Variants in B3GAT2 observed in about 807,000 individuals in gnomAD.
B3GAT2 encodes the protein beta-1,3-glucuronyltransferase 2.
In B3GAT2, 26 loss-of-function variants were observed where a neutral mutation model predicts 27.8. The observed-to-expected ratio is 0.93, with a 90% CI of 0.68 to 1.30. The LOEUF is 1.30. B3GAT2 is among the 50% of genes most tolerant of loss of function. The pLI is 0.00. For missense variants in B3GAT2, 458 were observed against 459.0 expected, an observed-to-expected ratio of 1.00 and a Z score of 0.02; for synonymous variants, 218 against 195.1, an observed-to-expected ratio of 1.12 and a Z score of -0.98.
chr6:70,927,703 CT>C (rs1256503136), intron 1 of B3GAT2, among the ~76,000 whole-genome samples: 2 of 152,126 alleles, frequency 1.3e-5, no homozygotes, highest in Non-Finnish European at 2.9e-5. Flanking sequence ...TACAAAGAGA[CT>C]TAGACTCCCA....
chr6:70,943,527 A>G (rs1200717126), intron 1 of B3GAT2, among the ~76,000 whole-genome samples: 1 of 152,168 alleles, frequency 6.6e-6, no homozygotes, highest in East Asian at 1.9e-4. Context: ...TCTTCCGTTC[A>G]GTTCTGCCTG....
At chr6:70,869,303 G>A (rs1195702266) in intron 2 of B3GAT2, among the ~76,000 whole-genome samples, 5 of 152,022 alleles carry the variant, frequency 3.3e-5, no homozygotes, top group East Asian at 1.9e-4. Flanking sequence ...GGTGCATGTC[G>A]CTCCATCTGG....
At chr6:70,906,159 G>C (rs934929555) in intron 1 of B3GAT2, among the ~76,000 whole-genome samples, 1 of 152,228 alleles carries the variant, frequency 6.6e-6, no homozygotes, top group East Asian at 1.9e-4. Context: ...GAAAACCAAC[G>C]ATCTATCTCC....
intron 1 of B3GAT2, among the ~76,000 whole-genome samples, chr6:70,927,597 T>A (rs1013536835): frequency 6.6e-6 from 1 of 152,002 alleles, no homozygotes; most frequent in African/African-American, 2.4e-5. Flanking sequence ...AACATAATGG[T>A]AAAGGGATCA....
At chr6:70,952,841 A>G (rs549646856) in intron 1 of B3GAT2, among the ~76,000 whole-genome samples, 4 of 152,348 alleles carry the variant, frequency 2.6e-5, no homozygotes, top group Non-Finnish European at 1.5e-5. Context: ...GTTGAAAGGA[A>G]AGGCTGAAAA....
At position 70,890,075 on chromosome 6, in the gene B3GAT2, C is replaced by T. The variant is rs376270557; in HGVS notation, c.736+4053G>A. Among the ~76,000 whole-genome samples the T allele has an allele frequency of 1.2e-4, 18 of 152,216 alleles. No homozygotes were observed. The East Asian group carries it at 1.4e-3, about 11-fold the overall frequency. ...GAGATTATAGGTGTTAGCTACCATGCCCGTCCAGAAACCTAACTTTGCTCA... is the reference window on the plus strand; with the variant it reads ...GAGATTATAGGTGTTAGCTACCATGTCCGTCCAGAAACCTAACTTTGCTCA... On this transcript the variant is annotated intron_variant, in intron 2 of 3. Coordinates refer to ENST00000230053, the MANE Select transcript of B3GAT2 (RefSeq NM_080742.3).
At chr6:70,867,910 AT>A (rs1771876762) in intron 2 of B3GAT2, among the ~76,000 whole-genome samples, 1 of 152,166 alleles carries the variant, frequency 6.6e-6, no homozygotes, top group African/African-American at 2.4e-5. Flanking sequence ...AATTCTCAAA[AT>A]TTTAGCAAAT....
intron 1 of B3GAT2, among the ~76,000 whole-genome samples, chr6:70,904,698 T>C (rs1374990724): frequency 6.6e-6 from 1 of 152,134 alleles, no homozygotes; most frequent in African/African-American, 2.4e-5. Context: ...TCAGAAAGAA[T>C]GACATCGATG....
At chr6:70,945,319 C>G (rs1430185504) in intron 1 of B3GAT2, among the ~76,000 whole-genome samples, 3 of 152,064 alleles carry the variant, frequency 2.0e-5, no homozygotes, top group African/African-American at 7.2e-5. Context: ...AAGTTAAAAA[C>G]TTTGAAAAAA....
At chr6:70,862,120 C>G in intron 2 of B3GAT2, 142 bp from the exon 3 acceptor site, 1 of 715,912 alleles carries the variant, frequency 1.4e-6, no homozygotes, top group Non-Finnish European at 2.2e-6. Context: ...TGAATAGGAA[C>G]ATTACCTGTA....
chr6:70,923,924 A>AT (rs1007590544), intron 1 of B3GAT2, among the ~76,000 whole-genome samples: 1 of 152,122 alleles, frequency 6.6e-6, no homozygotes, highest in Non-Finnish European at 1.5e-5. Context: ...TCAGTCCTGG[A>AT]TTTTTTAGTT....
chr6:70,916,462 T>G (rs1248187035), intron 1 of B3GAT2, among the ~76,000 whole-genome samples: 2 of 152,250 alleles, frequency 1.3e-5, no homozygotes, highest in Non-Finnish European at 2.9e-5. Flanking sequence ...AGAGAGAGCA[T>G]CCTTGTCTTG....
chr6:70,930,459 T>C (rs941660827), intron 1 of B3GAT2, among the ~76,000 whole-genome samples: 10 of 152,198 alleles, frequency 6.6e-5, no homozygotes, highest in Non-Finnish European at 1.0e-4. Context: ...AAAGGGCTAA[T>C]ATCCAGAATC....
chr6:70,892,328 G>C (rs1772303439), intron 2 of B3GAT2, among the ~76,000 whole-genome samples: 1 of 152,058 alleles, frequency 6.6e-6, no homozygotes, highest in Admixed American at 6.6e-5. Context: ...AAATTCTAGG[G>C]GAACCAATGC....
At chr6:70,954,917 G>GGC (rs935433439) in intron 1 of B3GAT2, among the ~76,000 whole-genome samples, 3 of 151,394 alleles carry the variant, frequency 2.0e-5, no homozygotes, top group Admixed American at 1.3e-4. Flanking sequence ...GGGGGCGGCG[G>GGC]GGGGGGGCGG....
Position 70,915,015 on chromosome 6 carries a change from CCCA to C in B3GAT2, c.592-20746_592-20744del, listed in dbSNP as rs1366822061. On this transcript the variant is annotated intron_variant, in intron 1 of 3. Coordinates refer to ENST00000230053, the MANE Select transcript of B3GAT2 (RefSeq NM_080742.3). ...CACAATGGTTGCACTAATTTACACTCCCACCAACAGTGTAAAAGTGTTCCTATT... is the reference window on the plus strand; with the variant it reads ...CACAATGGTTGCACTAATTTACACTCCCAACAGTGTAAAAGTGTTCCTATT... 2.6e-5 allele frequency among the ~76,000 whole-genome samples: 4 copies of C among 152,140 alleles called. No homozygotes were observed. In the East Asian group the frequency reaches 5.8e-4, roughly 22 times the overall value.
intron 2 of B3GAT2, among the ~76,000 whole-genome samples, chr6:70,882,628 T>C (rs923566316): frequency 3.3e-5 from 5 of 152,166 alleles, no homozygotes; most frequent in African/African-American, 1.2e-4. Context: ...GGGAAAAATA[T>C]TTGTAAATAG....
chr6:70,934,600 T>A (rs1773112604), intron 1 of B3GAT2, among the ~76,000 whole-genome samples: 1 of 152,080 alleles, frequency 6.6e-6, no homozygotes, highest in Non-Finnish European at 1.5e-5. Flanking sequence ...AAACTGGAGG[T>A]GACCTAATAT....
At chr6:70,946,638 T>A (rs1488345782) in intron 1 of B3GAT2, among the ~76,000 whole-genome samples, 1 of 152,098 alleles carries the variant, frequency 6.6e-6, no homozygotes, top group African/African-American at 2.4e-5. Flanking sequence ...AATGGGAGAC[T>A]TTAACACCCC....
Sources: allele counts gnomAD v4.1 joint callset (sites outside exome capture counted in the v4.1 genomes callset), GRCh38; gene constraint gnomAD v4.1.1; transcripts MANE v1.5; gene names NCBI Gene and HGNC (gene_info 2026-07-23, HGNC 2026-07-21).